The following COG3 variants were observed in gnomAD, a reference collection of about 807,000 sequenced individuals.
COG3 encodes the protein component of oligomeric golgi complex 3.
Under a neutral mutation model 114.1 loss-of-function variants are expected in COG3, and 32 were observed. That is an observed-to-expected ratio of 0.28 (90% CI 0.21 to 0.38). The LOEUF (loss-of-function observed/expected upper bound fraction) is 0.38. COG3 is among the 10% of genes least tolerant of loss of function. COG3 has a pLI of 1.00. For synonymous variants in COG3, 352 were observed against 365.7 expected, an observed-to-expected ratio of 0.96 and a Z score of 0.43; for missense variants, 813 against 973.2, an observed-to-expected ratio of 0.84 and a Z score of 2.19.
At chr13:45,482,759 C>G (rs1886327834) in intron 6 of COG3, among the ~76,000 whole-genome samples, 1 of 152,178 alleles carries the variant, frequency 6.6e-6, no homozygotes, top group Non-Finnish European at 1.5e-5. Flanking sequence ...TCAGCTTTAT[C>G]CCATCTAACA....
chr13:45,527,060 G>A (rs1001958428), intron 20 of COG3, among the ~76,000 whole-genome samples: 2 of 152,130 alleles, frequency 1.3e-5, no homozygotes, highest in African/African-American at 4.8e-5. Flanking sequence ...AGATTTAAAG[G>A]TAGAAACCAG....
chr13:45,522,320 A>T (rs1468529396), intron 19 of COG3, among the ~76,000 whole-genome samples: 1 of 152,062 alleles, frequency 6.6e-6, no homozygotes, highest in Non-Finnish European at 1.5e-5. Context: ...CCGTGTAGAG[A>T]ATATTTTTAG....
chr13:45,466,710 G>A (rs1194445415), intron 1 of COG3: 1 of 152,202 alleles, frequency 6.6e-6, no homozygotes, highest in African/African-American at 2.4e-5. Flanking sequence ...TGTGATGGGG[G>A]AGATACATAT....
At chr13:45,480,334 T>C in intron 4 of COG3, 44 bp downstream of exon 4, 1 of 1,307,118 alleles carries the variant, frequency 7.7e-7, no homozygotes, top group Non-Finnish European at 1.1e-6. Flanking sequence ...TATTTAATAT[T>C]TTAAAATAGA....
chr13:45,515,957 T>TA (rs987167709), intron 16 of COG3, among the ~76,000 whole-genome samples, 186 bp from the exon 17 acceptor site: 2 of 152,196 alleles, frequency 1.3e-5, no homozygotes, highest in Non-Finnish European at 2.9e-5. Context: ...ACAGTGCAAA[T>TA]AAGAGTTTGA....
chr13:45,505,875 G>T (rs936460879), intron 14 of COG3, among the ~76,000 whole-genome samples: 1 of 152,040 alleles, frequency 6.6e-6, no homozygotes, highest in Admixed American at 6.6e-5. Flanking sequence ...AATTACAGAT[G>T]TGAGCCACTG....
At chr13:45,505,692 C>T (rs1311828028) in intron 14 of COG3, among the ~76,000 whole-genome samples, 2 of 151,966 alleles carry the variant, frequency 1.3e-5, no homozygotes, top group Non-Finnish European at 2.9e-5. Context: ...CTTCTGTGCT[C>T]AAGCAATCCT....
At chr13:45,531,924 G>T (rs1873194473) in intron 22 of COG3, 1 of 152,162 alleles carries the variant, frequency 6.6e-6, no homozygotes, top group African/African-American at 2.4e-5. Context: ...TCTTTTTAAA[G>T]TGCAGAGTTC....
intron 22 of COG3, 158 bp from the exon 23 acceptor site, chr13:45,534,544 A>C: frequency 2.4e-6 from 1 of 423,746 alleles, no homozygotes; most frequent in Non-Finnish European, 4.2e-6. Context: ...TTCAACTTTT[A>C]TTTTAGATTC....
intron 12 of COG3, among the ~76,000 whole-genome samples, chr13:45,495,949 C>T (rs1214717899): frequency 6.6e-6 from 1 of 151,904 alleles, no homozygotes; most frequent in African/African-American, 2.4e-5. Flanking sequence ...CAGAGTACTG[C>T]CCAGTTTTAA....
chr13:45,478,470 C>T (rs937501320), intron 2 of COG3, among the ~76,000 whole-genome samples: 9 of 151,050 alleles, frequency 6.0e-5, no homozygotes, highest in African/African-American at 2.2e-4. Context: ...TGAGCCACCG[C>T]GCCCAGCCTT....
intron 16 of COG3, among the ~76,000 whole-genome samples, chr13:45,515,068 A>G (rs1185941871): frequency 6.6e-6 from 1 of 152,266 alleles, no homozygotes; most frequent in African/African-American, 2.4e-5. Flanking sequence ...ACAAATTAAC[A>G]TGATACTATT....
intron 14 of COG3, among the ~76,000 whole-genome samples, chr13:45,507,328 T>C (rs888894554): frequency 9.9e-5 from 15 of 152,168 alleles, no homozygotes; most frequent in African/African-American, 3.4e-4. Flanking sequence ...AGAAACTTAA[T>C]ACAAATTAAA....
intron 14 of COG3, among the ~76,000 whole-genome samples, chr13:45,505,592 A>G (rs1232011565): frequency 6.6e-6 from 1 of 151,746 alleles, no homozygotes. Context: ...GGCGTGAGCC[A>G]CTGCGCCTGA....
At chr13:45,500,793 C>T (rs915675888) in intron 13 of COG3, among the ~76,000 whole-genome samples, 1 of 152,170 alleles carries the variant, frequency 6.6e-6, no homozygotes, top group Non-Finnish European at 1.5e-5. Flanking sequence ...TACAACACCA[C>T]GTTGCACTTA....
intron 15 of COG3, among the ~76,000 whole-genome samples, 171 bp from the exon 16 acceptor site, chr13:45,511,594 G>T (rs1179310555): frequency 6.6e-6 from 1 of 152,194 alleles, no homozygotes; most frequent in Non-Finnish European, 1.5e-5. Context: ...TCTATGTGTT[G>T]GTTTAGAAAG....
intron 1 of COG3, among the ~76,000 whole-genome samples, chr13:45,469,942 C>T (rs888392828): frequency 6.6e-6 from 1 of 152,074 alleles, no homozygotes; most frequent in Non-Finnish European, 1.5e-5. Context: ...TAGAAAAACT[C>T]TCAAATTATA....
rs531491983 is a variant in COG3, at chr13:45,509,565, GA to G, written c.1595-121del. ...GTATTCTTGATGAAAACTGAGGTGGGAAAAAATTGGTGCCCTCTAGCTACTT... is the reference window on the plus strand; with the variant it reads ...GTATTCTTGATGAAAACTGAGGTGGGAAAAATTGGTGCCCTCTAGCTACTT... On this transcript the variant is annotated intron_variant, in intron 14 of 22. Transcript: ENST00000349995. 4.6e-6 allele frequency: 5 copies of G among 1,092,730 alleles called. No individual in the cohort carries two copies. The Admixed American group carries it at 7.0e-5, about 15-fold the overall frequency. The allele number at this position is 1,092,730 out of a possible 1,614,324, so 67.7% of individuals were successfully genotyped here.
intron 8 of COG3, among the ~76,000 whole-genome samples, chr13:45,489,331 TGTTTA>T (rs924497557): frequency 1.4e-5 from 2 of 142,828 alleles, no homozygotes; most frequent in African/African-American, 5.1e-5. Flanking sequence ...AACTTAGTTT[TGTTTA>T]TAGAATATAT....
Sources: gnomAD v4.1 joint callset for allele counts (sites outside exome capture counted in the v4.1 genomes callset) on GRCh38, gnomAD v4.1.1 for gene constraint, MANE v1.5 for transcripts, NCBI Gene and HGNC (gene_info 2026-07-23, HGNC 2026-07-21) for gene names.